The following FAM174A variants were observed in gnomAD, a reference collection of about 807,000 sequenced individuals.
FAM174A encodes membrane protein FAM174A.
FAM174A carries 14 observed loss-of-function variants against 14.3 expected under a neutral mutation model. That is an observed-to-expected ratio of 0.98 (90% CI 0.65 to 1.53). The LOEUF (loss-of-function observed/expected upper bound fraction) is 1.53, where lower values mean the gene tolerates loss of function less well. Among genes scored for constraint, FAM174A ranks in the 40% most tolerant of loss-of-function variants. The pLI is 0.00. For missense variants in FAM174A, 241 were observed against 249.6 expected (o/e 0.97, Z 0.23); for synonymous variants, 108 against 111.4 (o/e 0.97, Z 0.19).
chr5:100,579,990 T>C (rs561269766), intron 2 of FAM174A, among the ~76,000 whole-genome samples: 1 of 152,356 alleles, frequency 6.6e-6, no homozygotes, highest in Admixed American at 6.5e-5. Context: ...AATTATAGTT[T>C]ACTATTCTCT....
intron 1 of FAM174A, among the ~76,000 whole-genome samples, chr5:100,543,994 G>A (rs939170395): frequency 1.3e-5 from 2 of 152,080 alleles, no homozygotes; most frequent in African/African-American, 4.8e-5. Flanking sequence ...TTTCTACACT[G>A]TTTGCTTTTT....
chr5:100,558,958 G>A lies in FAM174A; in HGVS notation c.435-3096G>A, dbSNP rs1340401263. 5.9e-5 allele frequency among the ~76,000 whole-genome samples: 9 copies of A among 152,286 alleles called. No individual in the cohort carries two copies. The East Asian group carries it at 1.4e-3, about 23-fold the overall frequency. On this transcript the variant is annotated intron_variant, in intron 1 of 2. Transcript: ENST00000312637. ...TTACATTTAAGGTTAATATTGTGAT[G>A]TGTGAATTTGATCCTGTCATTATGA...
rs190471695 is a variant in FAM174A at position 100,538,726 on chromosome 5, C to A, written c.434+2762C>A. Among the ~76,000 whole-genome samples, 8 of 152,162 alleles carry A rather than the reference C, an allele frequency of 5.3e-5. No individual in the cohort carries two copies. In the East Asian group the frequency reaches 1.5e-3, roughly 29 times the overall value. Reference sequence around the variant, plus strand: ...ACTCTTCATGTATTATATTGCTGAACAGGTAGGTGGTAAGGATTTGGAAAT... The same window carrying A: ...ACTCTTCATGTATTATATTGCTGAAAAGGTAGGTGGTAAGGATTTGGAAAT... On this transcript the variant is annotated intron_variant, in intron 1 of 2. Transcript: ENST00000312637.
rs889236006 is a variant in FAM174A at position 100,582,563 on chromosome 5, AAGT to A, written c.570-3610_570-3608del. Among the ~76,000 whole-genome samples the A allele has an allele frequency of 3.3e-5, 5 of 152,178 alleles. No homozygotes were observed. The South Asian group carries it at 6.2e-4, about 19-fold the overall frequency. Reference sequence around the variant, plus strand: ...ATTTTTGGAAGGCAGGATTTAAATTAAGTAGTAGTAAAGTTGTATAATTAGAAT... The same window carrying A: ...ATTTTTGGAAGGCAGGATTTAAATTAAGTAGTAAAGTTGTATAATTAGAAT... On this transcript the variant is annotated intron_variant, in intron 2 of 2. Transcript: ENST00000312637.
intron 1 of FAM174A, among the ~76,000 whole-genome samples, chr5:100,552,208 G>A (rs1284470826): frequency 3.9e-5 from 6 of 151,950 alleles, no homozygotes; most frequent in African/African-American, 1.5e-4. Context: ...TACAATTGTG[G>A]TTCACTAATT....
intron 1 of FAM174A, among the ~76,000 whole-genome samples, chr5:100,556,232 G>A (rs1746377757): frequency 6.6e-6 from 1 of 152,130 alleles, no homozygotes; most frequent in South Asian, 2.1e-4. Context: ...TGTCAGGTTT[G>A]TCAAAGATCA....
At chr5:100,567,601 A>G (rs1187792075) in intron 2 of FAM174A, among the ~76,000 whole-genome samples, 4 of 151,922 alleles carry the variant, frequency 2.6e-5, no homozygotes, top group Non-Finnish European at 4.4e-5. Context: ...AATATTCTAT[A>G]CTTGTTTTCC....
chr5:100,575,412 G>A (rs1303424924), intron 2 of FAM174A, among the ~76,000 whole-genome samples: 1 of 151,832 alleles, frequency 6.6e-6, no homozygotes, highest in Non-Finnish European at 1.5e-5. Context: ...TCCCCCCACC[G>A]CATAACAGGC....
Position 100,562,167 on chromosome 5 carries a change from T to C in FAM174A, c.548T>C (p.Phe183Ser). The change falls in exon 2 of 3, where the codon TTT (phenylalanine) becomes TCT (serine). Residue 183 changes from phenylalanine to serine, a missense_variant. Coordinates refer to ENST00000312637, the MANE Select transcript of FAM174A (RefSeq NM_198507.3). ...GATGAGGATGATGACAACACGTTGT[T>C]TGATGCCAATCATCCTCGAAGGTAA... is the stretch of plus-strand genomic sequence containing the variant. ...QDDEDDDNTL[F>S]DANHPRR 6.3e-7 allele frequency: 1 copy of C among 1,578,924 alleles called. No homozygotes were observed. The highest frequency in any genetic ancestry group is 8.6e-7 in the Non-Finnish European group (1 of 1,166,036).
intron 2 of FAM174A, among the ~76,000 whole-genome samples, chr5:100,566,166 A>G (rs1217915612): frequency 7.0e-6 from 1 of 143,300 alleles, no homozygotes; most frequent in South Asian, 2.2e-4. Flanking sequence ...ATATATATAT[A>G]TATATGTACA....
chr5:100,537,648 C>T (rs1745966512), intron 1 of FAM174A, among the ~76,000 whole-genome samples: 1 of 152,136 alleles, frequency 6.6e-6, no homozygotes, highest in African/African-American at 2.4e-5. Flanking sequence ...CAAATCTGCA[C>T]TCACACTCTA....
At chr5:100,575,847 A>G (rs944224747) in intron 2 of FAM174A, among the ~76,000 whole-genome samples, 1 of 152,302 alleles carries the variant, frequency 6.6e-6, no homozygotes, top group South Asian at 2.1e-4. Context: ...AGAAAAAACC[A>G]AACAACCCCA....
intron 1 of FAM174A, among the ~76,000 whole-genome samples, chr5:100,558,899 A>C (rs930745260): frequency 1.3e-5 from 2 of 152,088 alleles, no homozygotes; most frequent in Non-Finnish European, 2.9e-5. Flanking sequence ...CCAATTTGCC[A>C]GTCTGTGTCT....
intron 2 of FAM174A, among the ~76,000 whole-genome samples, chr5:100,566,142 A>ATAGATATG (rs1746641916): frequency 1.5e-3 from 2 of 1,346 alleles, no homozygotes; most frequent in Admixed American, 0.012. Context: ...GAAAAGTATG[A>ATAGATATG]TATATATATA....
intron 2 of FAM174A, among the ~76,000 whole-genome samples, chr5:100,584,853 A>G (rs1005751428): frequency 6.6e-6 from 1 of 152,112 alleles, no homozygotes; most frequent in Non-Finnish European, 1.5e-5. Flanking sequence ...CTCCATCTAC[A>G]ATACATATCA....
intron 2 of FAM174A, among the ~76,000 whole-genome samples, chr5:100,565,301 T>G (rs1746619397): frequency 6.6e-6 from 1 of 151,886 alleles, no homozygotes; most frequent in South Asian, 2.1e-4. Context: ...TTGACAGTGC[T>G]ATCCACATAG....
chr5:100,552,491 G>GA (rs1746283988), intron 1 of FAM174A, among the ~76,000 whole-genome samples: 1 of 151,650 alleles, frequency 6.6e-6, no homozygotes, highest in Non-Finnish European at 1.5e-5. Flanking sequence ...AAGAAGAAGA[G>GA]AAAAAATCAA....
intron 1 of FAM174A, among the ~76,000 whole-genome samples, chr5:100,561,468 AC>A (rs1746520927): frequency 1.3e-5 from 2 of 151,980 alleles, no homozygotes; most frequent in African/African-American, 2.4e-5. Flanking sequence ...GGTTTATATC[AC>A]ATTGGAATCA....
chr5:100,584,597 C>A (rs957369705), intron 2 of FAM174A, among the ~76,000 whole-genome samples: 2 of 152,120 alleles, frequency 1.3e-5, no homozygotes, highest in Non-Finnish European at 2.9e-5. Flanking sequence ...GATTATAATA[C>A]AATGATTTTG....
Sources: gnomAD v4.1 joint callset for allele counts (sites outside exome capture counted in the v4.1 genomes callset) on GRCh38, gnomAD v4.1.1 for gene constraint, MANE v1.5 for transcripts, NCBI Gene and HGNC (gene_info 2026-07-23, HGNC 2026-07-21) for gene names.